SLC31A1: variants seen among roughly 807,000 people sequenced by gnomAD.
SLC31A1 encodes high affinity copper uptake protein 1.
A neutral mutation model predicts 17.2 loss-of-function variants in SLC31A1; 5 were observed. The observed-to-expected ratio is 0.29, with a 90% CI of 0.15 to 0.61. The LOEUF (loss-of-function observed/expected upper bound fraction) is 0.61. Among genes scored for constraint, SLC31A1 ranks in the 20% least tolerant of loss-of-function variants. The pLI, the probability that SLC31A1 is intolerant of heterozygous loss-of-function variation, is 0.86. For missense variants in SLC31A1, 161 were observed against 241.4 expected, an observed-to-expected ratio of 0.67 and a Z score of 2.21; for synonymous variants, 76 against 78.8, an observed-to-expected ratio of 0.96 and a Z score of 0.19.
Position 113,262,481 on chromosome 9 carries a change from G to A in SLC31A1, c.*2008G>A, listed in dbSNP as rs1487987784. 6.6e-6 allele frequency: 1 copy of A among 152,496 alleles called. No homozygotes were observed. The highest frequency in any genetic ancestry group is 1.5e-5 in the Non-Finnish European group (1 of 68,044). 9.4% of individuals were successfully genotyped at this position (152,496 alleles called of 1,614,324 possible). A position where few individuals can be genotyped will look rare whatever the true frequency, so the allele number is the denominator to read the frequency against. ...GAAACAAAACACAGCTATCCTGTTG[G>A]CCTGTGTTGTGGTTTTGAAGTTTGT... On this transcript the variant is annotated 3_prime_UTR_variant, in exon 5 of 5. Transcript: ENST00000374212.
Position 113,258,672 on chromosome 9 carries a change from C to T in SLC31A1, c.203-22C>T, listed in dbSNP as rs1158873961. ...TTTTGCACATGTTTGACAGTACCTC[C>T]ATATTTTCCTTCCATACTTAGAAAT... On this transcript the variant is annotated intron_variant, in intron 3 of 4. Transcript: ENST00000374212. The surrounding 1 kb of genome is among the most constrained non-coding windows in gnomAD (Gnocchi z 4.8). The T allele has an allele frequency of 1.9e-6, 3 of 1,613,640 alleles. No homozygotes were observed. Among genetic ancestry groups the T allele is most frequent in the South Asian group, 1.1e-5 (1 of 91,068 alleles).
At position 113,260,558 on chromosome 9, in the gene SLC31A1, T is replaced by C; in HGVS notation, c.*85T>C. On this transcript the variant is annotated 3_prime_UTR_variant, in exon 5 of 5. Transcript: ENST00000374212. The stretch of plus-strand genomic sequence containing the variant: ...ACGTGATTCCTGCTCCAATCATCCC[T>C]TCTTGCTCCTCTTTGTGCACGTACA... The C allele has an allele frequency of 9.9e-7, 1 of 1,014,778 alleles. No homozygotes were observed. Among genetic ancestry groups the C allele is most frequent in the Non-Finnish European group, 1.5e-6 (1 of 661,138 alleles). 62.9% of individuals were successfully genotyped at this position (1,014,778 alleles called of 1,614,324 possible).
rs371029638 is a variant in SLC31A1, at chr9:113,263,435, A to T, written c.*2962A>T. ...CTGTTCATTTGGAATTTAATGCTTG[A>T]CTTCTTTGTTCATTTTGGATCTAAA... On this transcript the variant is annotated 3_prime_UTR_variant, in exon 5 of 5. Coordinates refer to ENST00000374212, the MANE Select transcript of SLC31A1 (RefSeq NM_001859.4). The T allele has an allele frequency of 6.4e-4, 97 of 152,742 alleles. 1 individual carries two copies. Among genetic ancestry groups the T allele is most frequent in the African/African-American group, 2.2e-3 (92 of 41,562 alleles). The allele number at this position is 152,742 out of a possible 1,614,324, so 9.5% of individuals were successfully genotyped here.
At chr9:113,234,718 A>G (rs963641127) in intron 1 of SLC31A1, among the ~76,000 whole-genome samples, 2 of 151,952 alleles carry the variant, frequency 1.3e-5, no homozygotes, top group African/African-American at 2.4e-5. Context: ...TTTTTACCCA[A>G]ACTTCCCTGA....
intron 1 of SLC31A1, among the ~76,000 whole-genome samples, chr9:113,237,367 T>A (rs1474638261): frequency 6.6e-6 from 1 of 152,302 alleles, no homozygotes; most frequent in Non-Finnish European, 1.5e-5. Context: ...TAGCTTGACA[T>A]TGGTTTACCC....
At chr9:113,256,995 C>T (rs113149316) in intron 2 of SLC31A1, 118 bp from the exon 3 acceptor site, 118 of 868,048 alleles carry the variant, frequency 1.4e-4, no homozygotes, top group African/African-American at 1.3e-3. Context: ...CTCCCACTCA[C>T]GTGAATGTCT....
At chr9:113,255,453 C>G (rs1046519586) in intron 1 of SLC31A1, among the ~76,000 whole-genome samples, 1 of 152,168 alleles carries the variant, frequency 6.6e-6, no homozygotes, top group Non-Finnish European at 1.5e-5. Context: ...CAGTGGCTTA[C>G]ACCTGTAATC....
chr9:113,236,584 A>G (rs774591913), intron 1 of SLC31A1, among the ~76,000 whole-genome samples: 3 of 151,560 alleles, frequency 2.0e-5, no homozygotes, highest in South Asian at 4.2e-4. Context: ...GGATGGTTTC[A>G]ATCTCCTGAC....
At position 113,254,401 on chromosome 9, in the gene SLC31A1, A is replaced by G. The variant is rs79465447; in HGVS notation, c.-35-1713A>G. Reference sequence around the variant, plus strand: ...TAGCACCTAGCTCAGAGTTTGGTATATAATAGGAGCTTGATAAATATTGAG... The same window carrying G: ...TAGCACCTAGCTCAGAGTTTGGTATGTAATAGGAGCTTGATAAATATTGAG... On this transcript the variant is annotated intron_variant, in intron 1 of 4. Coordinates refer to ENST00000374212, the MANE Select transcript of SLC31A1 (RefSeq NM_001859.4). 3.9e-5 allele frequency among the ~76,000 whole-genome samples: 6 copies of G among 152,330 alleles called. No homozygotes were observed. The East Asian group carries it at 9.6e-4, about 24-fold the overall frequency.
chr9:113,239,862 G>A (rs1190082085), intron 1 of SLC31A1, among the ~76,000 whole-genome samples: 1 of 152,248 alleles, frequency 6.6e-6, no homozygotes, highest in African/African-American at 2.4e-5. Context: ...GGGATTACAG[G>A]CGTGAGCCAC....
chr9:113,260,071 A>C (rs866238966), intron 4 of SLC31A1, among the ~76,000 whole-genome samples: 1 of 152,186 alleles, frequency 6.6e-6, no homozygotes, highest in South Asian at 2.1e-4. Flanking sequence ...AACCACAGCC[A>C]TATCTGGCCA....
intron 1 of SLC31A1, among the ~76,000 whole-genome samples, chr9:113,245,556 A>G (rs1831566898): frequency 6.6e-6 from 1 of 152,018 alleles, no homozygotes. Flanking sequence ...ATATTTATCA[A>G]ATTGTATTTC....
intron 1 of SLC31A1, among the ~76,000 whole-genome samples, chr9:113,225,557 T>C (rs1488609254): frequency 6.6e-6 from 1 of 152,224 alleles, no homozygotes; most frequent in East Asian, 1.9e-4. Context: ...GGCACTGGTA[T>C]TAATCTGTTA....
chr9:113,257,478 A>ATTTTTTTTTTTTTTTTTTTTTTTTTTTT (rs532189321), intron 3 of SLC31A1, among the ~76,000 whole-genome samples: 1 of 101,184 alleles, frequency 9.9e-6, no homozygotes, highest in Non-Finnish European at 1.9e-5. Flanking sequence ...AGAGTGTTTA[A>ATTTTTTTTTTTTTTTTTTTTTTTTTTTT]TTTTTTTTTT....
chr9:113,244,430 T>C (rs535822576), intron 1 of SLC31A1, among the ~76,000 whole-genome samples: 20 of 152,210 alleles, frequency 1.3e-4, no homozygotes, highest in Non-Finnish European at 2.6e-4. Context: ...TGGCATAGTT[T>C]GGCTTTTTTA....
chr9:113,224,630 G>T (rs529331948), intron 1 of SLC31A1, among the ~76,000 whole-genome samples: 1 of 152,318 alleles, frequency 6.6e-6, no homozygotes, highest in East Asian at 1.9e-4. Context: ...GTTTCTCCAT[G>T]TTGGTCAGGC....
chr9:113,237,543 A>G (rs1831475359), intron 1 of SLC31A1, among the ~76,000 whole-genome samples: 1 of 152,198 alleles, frequency 6.6e-6, no homozygotes, highest in Non-Finnish European at 1.5e-5. Flanking sequence ...ACATAAAGAC[A>G]GGAGATAGTT....
chr9:113,221,867 G>A (rs1831278218), intron 1 of SLC31A1, among the ~76,000 whole-genome samples, 189 bp downstream of exon 1: 2 of 152,212 alleles, frequency 1.3e-5, no homozygotes, highest in African/African-American at 4.8e-5. Context: ...CCTTGGGCCG[G>A]GGTGCTCGGT....
chr9:113,241,046 T>C (rs12338001), intron 1 of SLC31A1, among the ~76,000 whole-genome samples: 46,573 of 135,498 alleles, frequency 0.34, 7,650 homozygotes, highest in South Asian at 0.39. Context: ...CGAGACTCTG[T>C]CTCAAAAAAA....
Sources: gnomAD v4.1 joint callset for allele counts (sites outside exome capture counted in the v4.1 genomes callset) on GRCh38, gnomAD v4.1.1 for gene constraint, Gnocchi (gnomAD v3.1) non-coding constraint, MANE v1.5 for transcripts, NCBI Gene and HGNC (gene_info 2026-07-23, HGNC 2026-07-21) for gene names.